The following SERPINE2 variants were observed in gnomAD, a reference collection of about 807,000 sequenced individuals.
The protein encoded by SERPINE2 is serpin family E member 2.
A neutral mutation model predicts 36.3 loss-of-function variants in SERPINE2; 14 were observed. The ratio of observed to expected loss-of-function variants is 0.39; its 90% CI spans 0.25 to 0.60. The LOEUF (loss-of-function observed/expected upper bound fraction) is 0.60, where lower values mean the gene tolerates loss of function less well. Ranked by LOEUF, SERPINE2 falls within the 20% of genes least tolerant of loss-of-function variation. SERPINE2 has a pLI of 0.57. For synonymous variants in SERPINE2, 192 were observed against 191.8 expected, an observed-to-expected ratio of 1.00 and a Z score of -0.01; for missense variants, 418 against 499.6, an observed-to-expected ratio of 0.84 and a Z score of 1.56.
intron 5 of SERPINE2, 37 bp downstream of exon 5, chr2:223,984,715 A>C: frequency 6.3e-7 from 1 of 1,592,012 alleles, no homozygotes; most frequent in Non-Finnish European, 8.6e-7. Flanking sequence ...TGATTGAATA[A>C]TGCCACTGTT....
At chr2:223,976,894 A>G (rs1182408049) in intron 8 of SERPINE2, among the ~76,000 whole-genome samples, 11 of 152,200 alleles carry the variant, frequency 7.2e-5, no homozygotes, top group African/African-American at 2.2e-4. Context: ...TAATCCCCAT[A>G]TATCAAGGGC....
In SERPINE2 at chr2:223,992,036, C is replaced by G. The variant is rs370167695; in HGVS notation, c.488-36G>C. ...AAAGAACAAACAAGGGAAAAATAACCTCAGGACTGGTGGCCGGCTTGAGGG... is the reference window on the plus strand; with the variant it reads ...AAAGAACAAACAAGGGAAAAATAACGTCAGGACTGGTGGCCGGCTTGAGGG... On this transcript the variant is annotated intron_variant, in intron 3 of 8. Coordinates refer to ENST00000409304, the MANE Select transcript of SERPINE2 (RefSeq NM_001136528.2). 2,067 of 1,595,922 alleles carry G rather than the reference C, an allele frequency of 1.3e-3. 38 individuals are homozygous for G. The South Asian group carries it at 0.022, about 17-fold the overall frequency.
chr2:224,038,260 C>T (rs888314412), intron 1 of SERPINE2, among the ~76,000 whole-genome samples: 1 of 152,106 alleles, frequency 6.6e-6, no homozygotes, highest in Middle Eastern at 3.2e-3. Context: ...AGAACGTCCC[C>T]TGCAAAGTAG....
intron 4 of SERPINE2, among the ~76,000 whole-genome samples, chr2:223,990,719 T>G (rs1295035390): frequency 1.3e-5 from 2 of 152,190 alleles, no homozygotes; most frequent in Non-Finnish European, 2.9e-5. Flanking sequence ...GGCTCATGCC[T>G]GTAATCCCAG....
At chr2:224,009,012 G>C (rs774975451) in intron 1 of SERPINE2, among the ~76,000 whole-genome samples, 1 of 152,204 alleles carries the variant, frequency 6.6e-6, no homozygotes, top group Non-Finnish European at 1.5e-5. Flanking sequence ...AAAGGAGTCT[G>C]CTGGGCATTA....
At chr2:224,030,714 T>C (rs1445125036) in intron 1 of SERPINE2, 1 of 152,758 alleles carries the variant, frequency 6.5e-6, no homozygotes, top group Non-Finnish European at 1.5e-5. Flanking sequence ...GAAATAAAGG[T>C]AACTATAAAC....
chr2:224,004,329 A>C (rs1413810965), intron 1 of SERPINE2, among the ~76,000 whole-genome samples: 1 of 152,206 alleles, frequency 6.6e-6, no homozygotes, highest in East Asian at 1.9e-4. Flanking sequence ...TGATGTTGCA[A>C]GTTTCTTATA....
intron 1 of SERPINE2, among the ~76,000 whole-genome samples, chr2:224,024,107 G>A (rs1692104059): frequency 6.6e-6 from 1 of 152,212 alleles, no homozygotes; most frequent in African/African-American, 2.4e-5. Context: ...TAGGCACAAG[G>A]TATAGAAATA....
intron 1 of SERPINE2, among the ~76,000 whole-genome samples, chr2:224,032,064 AGAT>A (rs1692397558): frequency 6.6e-6 from 1 of 152,212 alleles, no homozygotes; most frequent in Admixed American, 6.5e-5. Flanking sequence ...TGTAAGCAAA[AGAT>A]AATGCAGTAG....
chr2:223,995,100 G>C (rs182084534), intron 3 of SERPINE2, among the ~76,000 whole-genome samples: 9 of 152,344 alleles, frequency 5.9e-5, no homozygotes, highest in Admixed American at 5.9e-4. Context: ...CAGGAGACAG[G>C]ATGGTGGGTA....
At chr2:224,036,642 T>TAAAA (rs59322455) in intron 1 of SERPINE2, among the ~76,000 whole-genome samples, 1 of 142,680 alleles carries the variant, frequency 7.0e-6, no homozygotes, top group African/African-American at 2.6e-5. Flanking sequence ...TAATAAAAAT[T>TAAAA]AAAAAAAAAA....
chr2:223,985,284 T>A (rs957534851), intron 4 of SERPINE2, among the ~76,000 whole-genome samples: 1 of 142,766 alleles, frequency 7.0e-6, no homozygotes, highest in African/African-American at 2.6e-5. Context: ...ACATTCAAGC[T>A]GCCTTAGAAT....
chr2:223,976,771 C>A (rs149169415), intron 8 of SERPINE2, among the ~76,000 whole-genome samples: 3 of 152,322 alleles, frequency 2.0e-5, no homozygotes, highest in Non-Finnish European at 4.4e-5. Flanking sequence ...CCATGACTCA[C>A]AGAGCAAAAA....
intron 1 of SERPINE2, among the ~76,000 whole-genome samples, chr2:224,023,653 C>T (rs1692086304): frequency 6.6e-6 from 1 of 152,182 alleles, no homozygotes; most frequent in Admixed American, 6.5e-5. Flanking sequence ...ATCTTTCCTA[C>T]CCTCCCTCCA....
chr2:224,004,270 C>T (rs888113635), intron 1 of SERPINE2, among the ~76,000 whole-genome samples: 1 of 152,152 alleles, frequency 6.6e-6, no homozygotes, highest in Admixed American at 6.5e-5. Context: ...CTGCCTGGCC[C>T]CCCGACACAG....
intron 1 of SERPINE2, among the ~76,000 whole-genome samples, chr2:224,003,741 C>T (rs900852137): frequency 1.8e-4 from 27 of 152,182 alleles, no homozygotes; most frequent in Admixed American, 1.2e-3. Flanking sequence ...AAGCAGCATT[C>T]GTGATGTTGC....
intron 4 of SERPINE2, among the ~76,000 whole-genome samples, chr2:223,987,682 A>C (rs535350433): frequency 1.3e-5 from 2 of 152,354 alleles, no homozygotes; most frequent in Non-Finnish European, 2.9e-5. Context: ...GTGAAGAATC[A>C]AGCATTAAAA....
chr2:224,018,645 C>T (rs891982227), intron 1 of SERPINE2, among the ~76,000 whole-genome samples: 2 of 151,736 alleles, frequency 1.3e-5, no homozygotes, highest in Non-Finnish European at 2.9e-5. Context: ...ATATAGAAGT[C>T]CCTTTATCAT....
rs1191717017 is a variant in SERPINE2 at position 224,039,188 on chromosome 2, G to C, written c.-112C>G. 1 of 151,180 alleles carries C rather than the reference G, an allele frequency of 6.6e-6. No individual in the cohort carries two copies. Among genetic ancestry groups the C allele is most frequent in the Non-Finnish European group, 1.5e-5 (1 of 67,764 alleles). The allele number at this position is 151,180 out of a possible 1,614,324, so 9.4% of individuals were successfully genotyped here. A position where few individuals can be genotyped will look rare whatever the true frequency, so the allele number is the denominator to read the frequency against. On this transcript the variant is annotated 5_prime_UTR_variant, in exon 1 of 9. Coordinates refer to ENST00000409304, the MANE Select transcript of SERPINE2 (RefSeq NM_001136528.2). The surrounding 1 kb of genome is among the most constrained non-coding windows in gnomAD (Gnocchi z 5.2). ...CTGGTCTCGGCGGCGCGGGGAGTCGGAGGACGCAGCCAAGCGGCGGCGGCG... is the reference window on the plus strand; with the variant it reads ...CTGGTCTCGGCGGCGCGGGGAGTCGCAGGACGCAGCCAAGCGGCGGCGGCG...
Sources: allele counts gnomAD v4.1 joint callset (sites outside exome capture counted in the v4.1 genomes callset), GRCh38; gene constraint gnomAD v4.1.1; non-coding constraint Gnocchi (gnomAD v3.1); transcripts MANE v1.5; gene names NCBI Gene and HGNC (gene_info 2026-07-23, HGNC 2026-07-21).